GMPR: variants seen among roughly 807,000 people sequenced by gnomAD.
The protein encoded by GMPR is guanosine monophosphate reductase.
In GMPR, 31 loss-of-function variants were observed where a neutral mutation model predicts 38.4. The observed-to-expected ratio is 0.81, with a 90% CI of 0.61 to 1.09. The LOEUF is 1.09. Ranked by LOEUF, GMPR falls within the 50% of genes least tolerant of loss-of-function variation. The pLI is 0.00. For synonymous variants in GMPR, 162 were observed against 173.3 expected (o/e 0.93, Z 0.51); for missense variants, 468 against 453.7 (o/e 1.03, Z -0.29).
chr6:16,254,842 C>G (rs1581649969), intron 4 of GMPR, 107 bp downstream of exon 4: 2 of 727,942 alleles, frequency 2.7e-6, no homozygotes, highest in African/African-American at 1.7e-5. Flanking sequence ...CTTTTGGTGC[C>G]TCTTTAGTCA....
chr6:16,260,786 A>G (rs1352471527), intron 4 of GMPR, among the ~76,000 whole-genome samples: 12 of 151,954 alleles, frequency 7.9e-5, no homozygotes, highest in Non-Finnish European at 1.5e-5. Flanking sequence ...AAAGAAGGAA[A>G]TATGGGGAAA....
At chr6:16,252,866 A>G (rs1402391046) in intron 3 of GMPR, among the ~76,000 whole-genome samples, 1 of 152,174 alleles carries the variant, frequency 6.6e-6, no homozygotes, top group Non-Finnish European at 1.5e-5. Context: ...GCTGGAGTAA[A>G]TATGTGTCAT....
At chr6:16,241,680 C>A (rs75545465) in intron 1 of GMPR, among the ~76,000 whole-genome samples, 3,186 of 152,332 alleles carry the variant, frequency 0.021, 100 homozygotes, top group African/African-American at 0.066. Context: ...GTGTTTTCTT[C>A]CTTAGTACCC....
At chr6:16,246,356 G>A (rs1015807126) in intron 1 of GMPR, among the ~76,000 whole-genome samples, 20 of 152,212 alleles carry the variant, frequency 1.3e-4, no homozygotes, top group African/African-American at 2.4e-5. Context: ...CTTTTTGAAA[G>A]ATCCTCATAA....
intron 1 of GMPR, among the ~76,000 whole-genome samples, chr6:16,242,160 A>G (rs761603112): frequency 1.3e-5 from 2 of 152,188 alleles, no homozygotes; most frequent in Non-Finnish European, 2.9e-5. Flanking sequence ...GACACAACAG[A>G]TGTTCAGTCT....
chr6:16,276,912 G>A (rs1010754607), intron 5 of GMPR, among the ~76,000 whole-genome samples: 3 of 152,126 alleles, frequency 2.0e-5, no homozygotes, highest in African/African-American at 7.2e-5. Context: ...AATCAGAACC[G>A]CCTGTGTGTT....
intron 4 of GMPR, among the ~76,000 whole-genome samples, chr6:16,268,934 ATTTT>A (rs1320343704): frequency 2.0e-5 from 3 of 150,874 alleles, no homozygotes; most frequent in Non-Finnish European, 4.4e-5. Context: ...ATAAATTTAA[ATTTT>A]TTATTTATTT....
At chr6:16,265,293 T>A (rs1312546814) in intron 4 of GMPR, among the ~76,000 whole-genome samples, 1 of 152,176 alleles carries the variant, frequency 6.6e-6, no homozygotes, top group Non-Finnish European at 1.5e-5. Context: ...GTAGAGGTAA[T>A]AGCACCTACT....
intron 4 of GMPR, 42 bp from the exon 5 acceptor site, chr6:16,274,364 TATACCAGCA>T: frequency 4.3e-6 from 5 of 1,172,686 alleles, no homozygotes; most frequent in Non-Finnish European, 6.4e-6. Context: ...TCCTCACCTT[TATACCAGCA>T]ATAGTAGTTC....
chr6:16,255,953 C>T (rs147258552), intron 4 of GMPR, among the ~76,000 whole-genome samples: 217 of 152,248 alleles, frequency 1.4e-3, no homozygotes, highest in African/African-American at 5.0e-3. Context: ...CAGTGGCTCA[C>T]GACTGTAATC....
intron 1 of GMPR, among the ~76,000 whole-genome samples, chr6:16,245,674 G>A (rs1758738454): frequency 6.6e-6 from 1 of 152,196 alleles, no homozygotes. Context: ...TGAATGCGGG[G>A]CATTCTGACA....
chr6:16,256,625 CTG>C (rs1365271047), intron 4 of GMPR, among the ~76,000 whole-genome samples: 4 of 151,494 alleles, frequency 2.6e-5, no homozygotes, highest in African/African-American at 9.7e-5. Flanking sequence ...ACTTTGTTCT[CTG>C]TAATAGAACA....
In GMPR at chr6:16,290,391, A is replaced by AT. The variant is rs1209292078; in HGVS notation, c.698-65dup. 115 of 1,438,914 alleles carry AT rather than the reference A, an allele frequency of 8.0e-5. No individual in the cohort carries two copies. In the East Asian group the frequency reaches 2.4e-3, roughly 31 times the overall value. The allele number at this position is 1,438,914 out of a possible 1,614,324, so 89.1% of individuals were successfully genotyped here. Reference sequence around the variant, plus strand: ...GGAGGTGAACTGGGCAAGCACTGGGATTTTTTGAGAGCCTTTTCCCCTGAG... The same window carrying AT: ...GGAGGTGAACTGGGCAAGCACTGGGATTTTTTTGAGAGCCTTTTCCCCTGAG... On this transcript the variant is annotated intron_variant, in intron 7 of 8. Coordinates refer to ENST00000259727, the MANE Select transcript of GMPR (RefSeq NM_006877.4).
At chr6:16,266,786 C>T (rs1453334468) in intron 4 of GMPR, among the ~76,000 whole-genome samples, 2 of 151,330 alleles carry the variant, frequency 1.3e-5, no homozygotes, top group African/African-American at 2.4e-5. Flanking sequence ...GAGACTCCGT[C>T]TCAAAAAACA....
chr6:16,270,422 G>C (rs772502014), intron 4 of GMPR, among the ~76,000 whole-genome samples: 9 of 152,150 alleles, frequency 5.9e-5, no homozygotes, highest in Non-Finnish European at 1.2e-4. Flanking sequence ...CATTCTGACA[G>C]TCCTGTATCC....
chr6:16,290,697 T>C, intron 8 of GMPR, 76 bp downstream of exon 8: 1 of 1,255,400 alleles, frequency 8.0e-7, no homozygotes, highest in Non-Finnish European at 1.2e-6. Flanking sequence ...GAAGCAGGTC[T>C]GAATAGCAGC....
At chr6:16,271,619 C>T (rs1759388182) in intron 4 of GMPR, among the ~76,000 whole-genome samples, 1 of 152,152 alleles carries the variant, frequency 6.6e-6, no homozygotes, top group African/African-American at 2.4e-5. Context: ...TCTTAGGCTC[C>T]TGTTAGGTTC....
At chr6:16,254,147 T>C (rs1243198266) in intron 3 of GMPR, among the ~76,000 whole-genome samples, 3 of 152,150 alleles carry the variant, frequency 2.0e-5, no homozygotes, top group Non-Finnish European at 2.9e-5. Context: ...GCCAGGCTTG[T>C]CTCGAACTCC....
chr6:16,290,098 G>A (rs914013439), intron 7 of GMPR: 1 of 183,574 alleles, frequency 5.4e-6, no homozygotes, highest in Non-Finnish European at 1.2e-5. Context: ...GGATTACAGG[G>A]CTGAGCCACT....
Sources: allele counts gnomAD v4.1 joint callset (sites outside exome capture counted in the v4.1 genomes callset), GRCh38; gene constraint gnomAD v4.1.1; transcripts MANE v1.5; gene names NCBI Gene and HGNC (gene_info 2026-07-23, HGNC 2026-07-21).